EMSY: variants seen among roughly 807,000 people sequenced by gnomAD.
EMSY encodes EMSY transcriptional repressor, BRCA2 interacting.
Under a neutral mutation model 134.6 loss-of-function variants are expected in EMSY, and 26 were observed. The ratio of observed to expected loss-of-function variants is 0.19; its 90% CI spans 0.14 to 0.27. The LOEUF (loss-of-function observed/expected upper bound fraction) is 0.27, where lower values mean the gene tolerates loss of function less well. Ranked by LOEUF, EMSY falls within the 10% of genes least tolerant of loss-of-function variation. The pLI is 1.00. For synonymous variants in EMSY, 579 were observed against 577.8 expected, an observed-to-expected ratio of 1.00 and a Z score of -0.03; for missense variants, 1,305 against 1,611.4, an observed-to-expected ratio of 0.81 and a Z score of 3.26.
intron 8 of EMSY, among the ~76,000 whole-genome samples, chr11:76,483,205 G>A (rs1949049680): frequency 6.6e-6 from 1 of 152,218 alleles, no homozygotes; most frequent in South Asian, 2.1e-4. Flanking sequence ...CAAATGCTGA[G>A]AGATTTTTGT....
chr11:76,496,585 A>T, intron 9 of EMSY, 116 bp downstream of exon 10: 1 of 1,242,648 alleles, frequency 8.0e-7, no homozygotes, highest in Non-Finnish European at 1.2e-6. Context: ...TGACTTTTTC[A>T]TCAGTGTTTT....
exon 21 of EMSY, chr11:76,550,528 T>A (rs1029554008): frequency 6.3e-6 from 1 of 159,010 alleles, no homozygotes; most frequent in African/African-American, 2.4e-5. Flanking sequence ...TGTGAATAGT[T>A]GTATTTTGAA....
chr11:76,451,114 A>C (rs1488021655), intron 2 of EMSY, among the ~76,000 whole-genome samples: 2 of 152,058 alleles, frequency 1.3e-5, no homozygotes, highest in Non-Finnish European at 2.9e-5. Flanking sequence ...TTTATTTCTT[A>C]ATGGTTAATT....
At chr11:76,532,596 TG>T (rs1201520618) in intron 14 of EMSY, among the ~76,000 whole-genome samples, 2 of 152,140 alleles carry the variant, frequency 1.3e-5, no homozygotes, top group Non-Finnish European at 1.5e-5. Flanking sequence ...TATTTGGGAA[TG>T]GGTTCCAGAT....
intron 17 of EMSY, among the ~76,000 whole-genome samples, chr11:76,541,411 T>C (rs1951435168): frequency 1.3e-5 from 2 of 152,368 alleles, no homozygotes; most frequent in South Asian, 4.1e-4. Flanking sequence ...TTTTGTTAAC[T>C]CTTTATATTT....
intron 8 of EMSY, among the ~76,000 whole-genome samples, chr11:76,479,710 T>C (rs1948896549): frequency 6.6e-6 from 1 of 152,178 alleles, no homozygotes; most frequent in African/African-American, 2.4e-5. Context: ...CAGAAGAGTA[T>C]GGTGTTGGAA....
At chr11:76,517,377 A>T (rs1950483817) in intron 11 of EMSY, among the ~76,000 whole-genome samples, 2 of 152,282 alleles carry the variant, frequency 1.3e-5, no homozygotes, top group African/African-American at 4.8e-5. Context: ...TTTTAAGAGG[A>T]TACTTTAAAT....
intron 12 of EMSY, among the ~76,000 whole-genome samples, chr11:76,525,747 G>T (rs1010806577): frequency 8.6e-5 from 13 of 151,988 alleles, no homozygotes; most frequent in African/African-American, 2.9e-4. Context: ...TATATGAATA[G>T]TAAAACATAG....
chr11:76,461,495 A>G (rs1948115213), intron 6 of EMSY, among the ~76,000 whole-genome samples: 5 of 152,244 alleles, frequency 3.3e-5, no homozygotes, highest in Non-Finnish European at 5.9e-5. Flanking sequence ...TAAAAAGTCT[A>G]CAAAAACAGT....
At chr11:76,525,012 G>C (rs1950795499) in intron 12 of EMSY, among the ~76,000 whole-genome samples, 1 of 152,180 alleles carries the variant, frequency 6.6e-6, no homozygotes, top group Non-Finnish European at 1.5e-5. Context: ...GCAAGACTCT[G>C]CCACTGCCAC....
downstream of EMSY, chr11:76,551,699 G>A (rs879351823): frequency 2.6e-5 from 4 of 152,140 alleles, no homozygotes; most frequent in Non-Finnish European, 5.9e-5. Context: ...ACTGTTTCTA[G>A]TTAAGTAATT....
In EMSY at chr11:76,516,126, T is replaced by G; in HGVS notation, c.1514-16T>G. 1 of 1,603,008 alleles carries G rather than the reference T, an allele frequency of 6.2e-7. No homozygotes were observed. The highest frequency in any genetic ancestry group is 8.5e-7 in the Non-Finnish European group (1 of 1,174,332). On this transcript the variant is annotated splice_polypyrimidine_tract_variant and intron_variant, in intron 10 of 20. Transcript: ENST00000334736. ...AGCAATGACAAGTTTTTCTTTTGGC[T>G]TTTCCCTTTCTGTAGGCACACAAGC...
At chr11:76,500,818 A>G (rs1370805308) in intron 9 of EMSY, among the ~76,000 whole-genome samples, 1 of 152,202 alleles carries the variant, frequency 6.6e-6, no homozygotes, top group African/African-American at 2.4e-5. Context: ...GAATAAAAAG[A>G]CTTCACTAAA....
chr11:76,526,323 C>A, intron 12 of EMSY, 139 bp from the exon 14 acceptor site: 1 of 543,704 alleles, frequency 1.8e-6, no homozygotes, highest in Non-Finnish European at 2.9e-6. Context: ...TTTTTGATTT[C>A]CTGGAAACAT....
exon 20 of EMSY, chr11:76,545,992 G>C: frequency 6.2e-7 from 1 of 1,614,172 alleles, no homozygotes; most frequent in South Asian, 1.1e-5. Flanking sequence ...TTTGATGGAA[G>C]CTCAGATTGA....
At chr11:76,472,006 A>G (rs1948590767) in intron 7 of EMSY, among the ~76,000 whole-genome samples, 1 of 151,968 alleles carries the variant, frequency 6.6e-6, no homozygotes. Context: ...TATTGAATAC[A>G]TTACTTAAAA....
At chr11:76,491,083 G>T (rs1017878729) in intron 8 of EMSY, among the ~76,000 whole-genome samples, 3 of 151,500 alleles carry the variant, frequency 2.0e-5, no homozygotes, top group African/African-American at 7.3e-5. Flanking sequence ...TGCTGTTGTT[G>T]CCTCCTCCCC....
At chr11:76,501,640 G>T (rs1187398931) in intron 9 of EMSY, among the ~76,000 whole-genome samples, 1 of 152,092 alleles carries the variant, frequency 6.6e-6, no homozygotes, top group Non-Finnish European at 1.5e-5. Context: ...GGTTATGTGA[G>T]CTGAAGAACA....
intron 9 of EMSY, among the ~76,000 whole-genome samples, chr11:76,506,091 G>A (rs938420066): frequency 2.0e-5 from 3 of 152,048 alleles, no homozygotes; most frequent in Non-Finnish European, 2.9e-5. Context: ...GTGTACTTAA[G>A]CCTGGGCAAT....
Sources: allele counts gnomAD v4.1 joint callset (sites outside exome capture counted in the v4.1 genomes callset), GRCh38; gene constraint gnomAD v4.1.1; transcripts MANE v1.5; gene names NCBI Gene and HGNC (gene_info 2026-07-23, HGNC 2026-07-21).